The following IRAK1BP1 variants were observed in gnomAD, a reference collection of about 807,000 sequenced individuals.
IRAK1BP1 encodes interleukin-1 receptor-associated kinase 1-binding protein 1.
Under a neutral mutation model 28.0 loss-of-function variants are expected in IRAK1BP1, and 24 were observed. The ratio of observed to expected loss-of-function variants is 0.86; its 90% CI spans 0.62 to 1.20. The LOEUF (loss-of-function observed/expected upper bound fraction) is 1.20. Ranked by LOEUF, IRAK1BP1 falls within the 50% of genes most tolerant of loss-of-function variation. The pLI is 0.00. For synonymous variants in IRAK1BP1, 131 were observed against 116.3 expected (o/e 1.13, Z -0.81); for missense variants, 336 against 316.7 (o/e 1.06, Z -0.46).
At chr6:78,928,943 TTCA>T (rs1772967800) in intron 4 of IRAK1BP1, among the ~76,000 whole-genome samples, 4 of 152,222 alleles carry the variant, frequency 2.6e-5, no homozygotes. Context: ...TGCATCAATA[TTCA>T]TCAGAGAAAT....
chr6:78,976,679 G>GA, the IRAK1BP1 span, among the ~76,000 whole-genome samples: 1 of 147,412 alleles, frequency 6.8e-6, no homozygotes, highest in African/African-American at 2.5e-5. Flanking sequence ...AAATTTACAA[G>GA]AAAAAAACAA....
At chr6:78,908,054 A>G (rs57572924), downstream of IRAK1BP1, among the ~76,000 whole-genome samples, 2,139 of 137,004 alleles carry the variant, frequency 0.016, 36 homozygotes, top group Middle Eastern at 0.063. Flanking sequence ...TTATTTATTT[A>G]TTTATCTATT....
intron 4 of IRAK1BP1, among the ~76,000 whole-genome samples, chr6:78,919,202 G>A (rs1562097856): frequency 6.6e-6 from 1 of 152,092 alleles, no homozygotes; most frequent in East Asian, 1.9e-4. Flanking sequence ...ACAAAGGCAA[G>A]GTTAAGATAA....
At chr6:78,969,723 T>C in the IRAK1BP1 span, 3 of 549,788 alleles carry the variant, frequency 5.5e-6, no homozygotes, top group East Asian at 6.1e-5. Flanking sequence ...TTCCTACAAA[T>C]AGCAAAAAGA....
At chr6:78,869,634 GCAGT>G (rs1770720310) in intron 1 of IRAK1BP1, among the ~76,000 whole-genome samples, 1 of 152,194 alleles carries the variant, frequency 6.6e-6, no homozygotes, top group Non-Finnish European at 1.5e-5. Context: ...ATGGATGAAA[GCAGT>G]CAGGTAGATA....
chr6:78,898,432 A>AG lies in IRAK1BP1; in HGVS notation c.*98_*99insG. On this transcript the variant is annotated 3_prime_UTR_variant, in exon 4 of 4. Transcript: ENST00000369940. ...CCTGAATATATATATATATATATATATATATATATATATGGTATAGGAGAT... is the reference window on the plus strand; with the variant it reads ...CCTGAATATATATATATATATATATAGTATATATATATATGGTATAGGAGAT... 6.0e-6 allele frequency: 1 copy of AG among 165,298 alleles called. No homozygotes were observed. Among genetic ancestry groups the AG allele is most frequent in the Middle Eastern group, 2.8e-3 (1 of 358 alleles). 10.2% of individuals were successfully genotyped at this position (165,298 alleles called of 1,614,324 possible).
chr6:78,923,086 A>G (rs1327763574), intron 4 of IRAK1BP1, among the ~76,000 whole-genome samples: 1 of 152,230 alleles, frequency 6.6e-6, no homozygotes, highest in African/African-American at 2.4e-5. Flanking sequence ...TTAAGTTTAA[A>G]TGTAAATGGG....
chr6:78,960,413 G>A, the IRAK1BP1 span, among the ~76,000 whole-genome samples: 1 of 151,418 alleles, frequency 6.6e-6, no homozygotes, highest in African/African-American at 2.4e-5. Flanking sequence ...AGCAATTTAA[G>A]GGGTCAAGGG....
At position 78,888,177 on chromosome 6, in the gene IRAK1BP1, T is replaced by C. The variant is rs77646120; in HGVS notation, c.381+2734T>C. ...TATCATAGAAGCAAAAAATAGAAGC[T>C]GGTTGCCAAAGAATGGAGGGAAGGG... On this transcript the variant is annotated intron_variant, in intron 2 of 3. Coordinates refer to ENST00000369940, the MANE Select transcript of IRAK1BP1 (RefSeq NM_001010844.4). 4.0e-4 allele frequency among the ~76,000 whole-genome samples: 61 copies of C among 152,252 alleles called. 1 individual carries two copies. In the East Asian group the frequency reaches 0.012, roughly 29 times the overall value.
the IRAK1BP1 span, among the ~76,000 whole-genome samples, chr6:78,954,141 G>A: frequency 2.3e-4 from 35 of 152,028 alleles, 1 homozygote; most frequent in Admixed American, 5.9e-4. Context: ...TTGCTCTGTC[G>A]CCCAGGCTGG....
the IRAK1BP1 span, among the ~76,000 whole-genome samples, chr6:78,963,615 A>C: frequency 6.6e-6 from 1 of 152,198 alleles, no homozygotes; most frequent in Non-Finnish European, 1.5e-5. Flanking sequence ...GTAAAACTGA[A>C]CTAAAGTGAC....
intron 1 of IRAK1BP1, chr6:78,871,596 C>A: frequency 1.1e-6 from 1 of 910,166 alleles, no homozygotes; most frequent in Non-Finnish European, 1.3e-6. Flanking sequence ...ATAGTTGAAA[C>A]CTAATCCCAA....
At chr6:78,876,786 G>C (rs1476133099) in intron 1 of IRAK1BP1, among the ~76,000 whole-genome samples, 1 of 152,096 alleles carries the variant, frequency 6.6e-6, no homozygotes, top group Non-Finnish European at 1.5e-5. Context: ...CCACTTAGTA[G>C]TGTATTCCTC....
intron 2 of IRAK1BP1, among the ~76,000 whole-genome samples, chr6:78,893,931 G>T (rs926053094): frequency 6.6e-6 from 1 of 152,090 alleles, no homozygotes; most frequent in African/African-American, 2.4e-5. Flanking sequence ...CTAAATAAAT[G>T]ATAATGATGA....
At chr6:78,967,288 C>T in the IRAK1BP1 span, among the ~76,000 whole-genome samples, 10 of 152,124 alleles carry the variant, frequency 6.6e-5, no homozygotes, top group African/African-American at 2.2e-4. Flanking sequence ...TGACACTTAA[C>T]AAAAAGCTAC....
At chr6:78,872,985 A>G (rs1336416551) in intron 1 of IRAK1BP1, among the ~76,000 whole-genome samples, 5 of 152,068 alleles carry the variant, frequency 3.3e-5, no homozygotes, top group Admixed American at 2.0e-4. Context: ...GCCAGGCACG[A>G]TGGCTCATGC....
chr6:78,968,995 T>C, the IRAK1BP1 span, among the ~76,000 whole-genome samples: 1 of 152,228 alleles, frequency 6.6e-6, no homozygotes, highest in East Asian at 1.9e-4. Context: ...TTTCCTGTTC[T>C]GGACTTCCTG....
Position 78,867,691 on chromosome 6 carries a change from C to A in IRAK1BP1, c.115C>A (p.His39Asn), listed in dbSNP as rs1322435504. 1 of 1,614,122 alleles carries A rather than the reference C, an allele frequency of 6.2e-7. No homozygotes were observed. Among genetic ancestry groups the A allele is most frequent in the African/African-American group, 1.3e-5 (1 of 74,940 alleles). ...SGRETLPGLRHPLSSTQAQTA... is the reference protein window; with the variant it reads ...SGRETLPGLRNPLSSTQAQTA... Reference sequence around the variant, plus strand: ...GAGAGAGACGCTACCGGGCTTACGCCACCCCCTCTCCTCAACACAAGCCCA... The same window carrying A: ...GAGAGAGACGCTACCGGGCTTACGCAACCCCCTCTCCTCAACACAAGCCCA... Residue 39 changes from histidine to asparagine, a missense_variant, in exon 1 of 4, where the codon CAC (histidine) becomes AAC (asparagine). Coordinates refer to ENST00000369940, the MANE Select transcript of IRAK1BP1 (RefSeq NM_001010844.4).
At chr6:78,945,362 ATT>A in intron 4 of IRAK1BP1, 1 of 1,613,800 alleles carries the variant, frequency 6.2e-7, no homozygotes, top group Non-Finnish European at 8.5e-7. Context: ...AGATGACTTC[ATT>A]TTACGTTTGA....
Sources: gnomAD v4.1 joint callset for allele counts (sites outside exome capture counted in the v4.1 genomes callset) on GRCh38, gnomAD v4.1.1 for gene constraint, MANE v1.5 for transcripts, NCBI Gene and HGNC (gene_info 2026-07-23, HGNC 2026-07-21) for gene names.